PAPPA2: variants seen among roughly 807,000 people sequenced by gnomAD.
The protein encoded by PAPPA2 is pappalysin 2.
PAPPA2 carries 86 observed loss-of-function variants against 176.4 expected under a neutral mutation model. The ratio of observed to expected loss-of-function variants is 0.49; its 90% CI spans 0.41 to 0.58. The LOEUF is 0.58. PAPPA2 is among the 20% of genes least tolerant of loss of function. PAPPA2 has a pLI of 0.00. For missense variants in PAPPA2, 2,073 were observed against 2,256.9 expected, an observed-to-expected ratio of 0.92 and a Z score of 1.65; for synonymous variants, 809 against 852.2, an observed-to-expected ratio of 0.95 and a Z score of 0.88.
At chr1:176,500,245 A>T (rs985463357) in intron 1 of PAPPA2, among the ~76,000 whole-genome samples, 1 of 152,044 alleles carries the variant, frequency 6.6e-6, no homozygotes, top group East Asian at 1.9e-4. Flanking sequence ...TTACTTTTAC[A>T]GTTCCATGTA....
At chr1:176,625,140 A>G (rs1448159963) in intron 3 of PAPPA2, among the ~76,000 whole-genome samples, 2 of 152,184 alleles carry the variant, frequency 1.3e-5, no homozygotes, top group Non-Finnish European at 2.9e-5. Flanking sequence ...ATACCACAGG[A>G]GTAAGAAAGC....
chr1:176,594,878 C>T lies in PAPPA2; in HGVS notation c.1274C>T (p.Thr425Ile), dbSNP rs1431056520. Residue 425 changes from threonine to isoleucine, a missense_variant, in exon 3 of 23, where the codon ACA becomes ATA. Coordinates refer to ENST00000367662, the MANE Select transcript of PAPPA2 (RefSeq NM_020318.3). ...DGHYFRGHLG[T>I]LVFWSTALPQ... Reference sequence around the variant, plus strand: ...CACTATTTCCGTGGACACCTGGGCACACTGGTTTTCTGGTCGACCGCCCTG... The same window carrying T: ...CACTATTTCCGTGGACACCTGGGCATACTGGTTTTCTGGTCGACCGCCCTG... 1.2e-6 allele frequency: 2 copies of T among 1,614,240 alleles called. No individual in the cohort carries two copies. Among genetic ancestry groups the T allele is most frequent in the Non-Finnish European group, 1.7e-6 (2 of 1,180,046 alleles).
chr1:176,830,004 G>A (rs147547711), intron 21 of PAPPA2, among the ~76,000 whole-genome samples: 40 of 152,340 alleles, frequency 2.6e-4, no homozygotes, highest in Middle Eastern at 3.4e-3. Context: ...GCCACACCAA[G>A]CTGTTTTCAG....
At chr1:176,609,986 C>T (rs567010183) in intron 3 of PAPPA2, among the ~76,000 whole-genome samples, 61 of 152,166 alleles carry the variant, frequency 4.0e-4, no homozygotes, top group African/African-American at 1.4e-3. Context: ...TGGAATTTTA[C>T]AAGGGCAGGA....
At chr1:176,759,078 T>C (rs1180343848) in intron 14 of PAPPA2, among the ~76,000 whole-genome samples, 2 of 152,264 alleles carry the variant, frequency 1.3e-5, no homozygotes, top group Non-Finnish European at 2.9e-5. Flanking sequence ...GTATTGTTTC[T>C]TGAAAAGTGT....
chr1:176,497,225 C>T (rs1447266236), intron 1 of PAPPA2, among the ~76,000 whole-genome samples: 1 of 152,142 alleles, frequency 6.6e-6, no homozygotes, highest in Non-Finnish European at 1.5e-5. Context: ...TTTCTGTTCT[C>T]ATTTAAAAAA....
intron 10 of PAPPA2, among the ~76,000 whole-genome samples, chr1:176,707,541 A>G (rs960495352): frequency 1.3e-5 from 2 of 152,220 alleles, no homozygotes; most frequent in Admixed American, 6.5e-5. Flanking sequence ...CTACCAAAGC[A>G]TGACAGATGA....
chr1:176,584,529 G>C (rs948453856), intron 2 of PAPPA2, among the ~76,000 whole-genome samples: 1 of 151,954 alleles, frequency 6.6e-6, no homozygotes, highest in African/African-American at 2.4e-5. Flanking sequence ...GTCTTTACAG[G>C]TGAATTGAGT....
intron 10 of PAPPA2, 30 bp downstream of exon 10, chr1:176,706,480 T>A: frequency 6.3e-7 from 1 of 1,584,422 alleles, no homozygotes; most frequent in Non-Finnish European, 8.7e-7. Context: ...TCTAAGATTG[T>A]GTCCTACTTT....
At chr1:176,574,313 GTATAAATTAATAC>G (rs1652522145) in intron 2 of PAPPA2, among the ~76,000 whole-genome samples, 1 of 152,104 alleles carries the variant, frequency 6.6e-6, no homozygotes, top group South Asian at 2.1e-4. Flanking sequence ...CTCCAGGACC[GTATAAATTAATAC>G]TATTATTATC....
At chr1:176,714,060 C>A in intron 12 of PAPPA2, among the ~76,000 whole-genome samples, 1 of 152,208 alleles carries the variant, frequency 6.6e-6, no homozygotes, top group Middle Eastern at 3.4e-3. Flanking sequence ...GGGCAGATAG[C>A]ACACCACCCC....
rs1571209850 is a variant in PAPPA2, at chr1:176,709,873, G to A, written c.3458-110G>A. 6.1e-6 allele frequency: 6 copies of A among 982,508 alleles called. No individual in the cohort carries two copies. The East Asian group carries it at 1.2e-4, about 20-fold the overall frequency. The allele number at this position is 982,508 out of a possible 1,614,324, so 60.9% of individuals were successfully genotyped here. A position where few individuals can be genotyped will look rare whatever the true frequency, so the allele number is the denominator to read the frequency against. ...GGCATTAGACTGGCAGGCAATTGCA[G>A]AATTCTCTTCAGTGGGCTGGAGAAG... is the stretch of plus-strand genomic sequence containing the variant. On this transcript the variant is annotated intron_variant, in intron 10 of 22. Coordinates refer to ENST00000367662, the MANE Select transcript of PAPPA2 (RefSeq NM_020318.3).
At chr1:176,481,109 G>A (rs1191041008) in intron 1 of PAPPA2, among the ~76,000 whole-genome samples, 2 of 152,154 alleles carry the variant, frequency 1.3e-5, no homozygotes, top group Non-Finnish European at 2.9e-5. Flanking sequence ...GTAAAGTGAC[G>A]AAGAGGGAAG....
intron 3 of PAPPA2, among the ~76,000 whole-genome samples, chr1:176,607,737 G>GT (rs1165928916): frequency 6.6e-6 from 1 of 151,918 alleles, no homozygotes; most frequent in Non-Finnish European, 1.5e-5. Flanking sequence ...TTGAATAGCT[G>GT]TTTTTTATTT....
intron 21 of PAPPA2, among the ~76,000 whole-genome samples, chr1:176,837,489 A>C (rs1017805858): frequency 5.3e-5 from 8 of 152,014 alleles, no homozygotes; most frequent in Admixed American, 1.3e-4. Context: ...AAAAAAAAAA[A>C]AAAAAAAAAA....
intron 21 of PAPPA2, among the ~76,000 whole-genome samples, chr1:176,818,583 C>T (rs903109696): frequency 1.5e-5 from 2 of 132,660 alleles, no homozygotes; most frequent in African/African-American, 6.4e-5. Flanking sequence ...CACACACCAG[C>T]CACATTTTAC....
intron 12 of PAPPA2, among the ~76,000 whole-genome samples, chr1:176,714,743 A>G (rs1661294919): frequency 6.6e-6 from 1 of 152,204 alleles, no homozygotes; most frequent in African/African-American, 2.4e-5. Context: ...GCTTTGGCCA[A>G]CTACCTTCTC....
At chr1:176,469,484 C>T (rs998329674) in intron 1 of PAPPA2, among the ~76,000 whole-genome samples, 2 of 152,144 alleles carry the variant, frequency 1.3e-5, no homozygotes, top group African/African-American at 2.4e-5. Flanking sequence ...ATTAACAGCA[C>T]CATGGGAAGA....
chr1:176,636,043 A>G (rs1422563912), intron 3 of PAPPA2, among the ~76,000 whole-genome samples: 1 of 150,750 alleles, frequency 6.6e-6, no homozygotes, highest in Non-Finnish European at 1.5e-5. Context: ...AGTAAATAAC[A>G]TGAAACAGCT....
Sources: allele counts gnomAD v4.1 joint callset (sites outside exome capture counted in the v4.1 genomes callset), GRCh38; gene constraint gnomAD v4.1.1; transcripts MANE v1.5; gene names NCBI Gene and HGNC (gene_info 2026-07-23, HGNC 2026-07-21).